DOCK2: variants seen among roughly 807,000 people sequenced by gnomAD.
DOCK2 encodes the protein dedicator of cytokinesis protein 2.
Under a neutral mutation model 248.9 loss-of-function variants are expected in DOCK2, and 87 were observed. That is an observed-to-expected ratio of 0.35 (90% CI 0.29 to 0.42). The LOEUF (loss-of-function observed/expected upper bound fraction) is 0.42, where lower values mean the gene tolerates loss of function less well. DOCK2 is among the 10% of genes least tolerant of loss of function. The pLI is 1.00. For synonymous variants in DOCK2, 805 were observed against 821.6 expected (o/e 0.98, Z 0.35); for missense variants, 1,747 against 2,300.2 (o/e 0.76, Z 4.92).
chr5:169,856,098 C>G (rs1241988686), intron 27 of DOCK2, among the ~76,000 whole-genome samples: 1 of 152,138 alleles, frequency 6.6e-6, no homozygotes, highest in Non-Finnish European at 1.5e-5. Context: ...GGAAAACTGG[C>G]CCCATGATCC....
chr5:169,731,559 A>G (rs262870), intron 22 of DOCK2, among the ~76,000 whole-genome samples: 48,672 of 151,906 alleles, frequency 0.32, 11,603 homozygotes, highest in African/African-American at 0.66. Context: ...TTTATCAGCA[A>G]CACGAAAACG....
intron 23 of DOCK2, among the ~76,000 whole-genome samples, chr5:169,749,380 A>T (rs1319397491): frequency 6.6e-6 from 1 of 152,214 alleles, no homozygotes; most frequent in Non-Finnish European, 1.5e-5. Context: ...GGGTAAAAAG[A>T]CTTATGCCAA....
chr5:169,727,508 A>G (rs1400505251), intron 22 of DOCK2, among the ~76,000 whole-genome samples: 1 of 152,178 alleles, frequency 6.6e-6, no homozygotes, highest in Non-Finnish European at 1.5e-5. Context: ...GGTGGCTTGA[A>G]GCTGAATTGT....
At chr5:169,769,218 A>C (rs538140790) in intron 25 of DOCK2, among the ~76,000 whole-genome samples, 11 of 152,320 alleles carry the variant, frequency 7.2e-5, no homozygotes, top group African/African-American at 2.6e-4. Context: ...GACTCAAAAC[A>C]GTCCCCACCC....
chr5:169,791,663 T>C (rs1283028915), intron 25 of DOCK2, among the ~76,000 whole-genome samples: 13 of 152,226 alleles, frequency 8.5e-5, no homozygotes, highest in Non-Finnish European at 1.9e-4. Flanking sequence ...AACACTGGCG[T>C]TGGAGTCAGA....
chr5:169,905,733 C>A (rs1160533685), intron 27 of DOCK2, among the ~76,000 whole-genome samples: 1 of 152,124 alleles, frequency 6.6e-6, no homozygotes, highest in Non-Finnish European at 1.5e-5. Context: ...GCGTCTGCAC[C>A]CAGGAACTGC....
intron 26 of DOCK2, among the ~76,000 whole-genome samples, chr5:169,818,822 A>C (rs184251545): frequency 6.6e-6 from 1 of 152,308 alleles, no homozygotes; most frequent in Admixed American, 6.5e-5. Context: ...TTTTCCACAT[A>C]AATATTAATA....
intron 41 of DOCK2, among the ~76,000 whole-genome samples, chr5:170,051,396 T>G (rs775045185): frequency 1.1e-4 from 16 of 152,224 alleles, no homozygotes; most frequent in Non-Finnish European, 2.1e-4. Flanking sequence ...ATGCCCAGCT[T>G]GTTCCTGCCT....
intron 27 of DOCK2, among the ~76,000 whole-genome samples, chr5:169,899,081 A>G (rs1773777476): frequency 6.6e-6 from 1 of 152,216 alleles, no homozygotes; most frequent in Non-Finnish European, 1.5e-5. Context: ...ATGGCAAGTA[A>G]AAGGGACCTT....
intron 44 of DOCK2, among the ~76,000 whole-genome samples, chr5:170,063,097 A>C (rs1454395118): frequency 6.6e-6 from 1 of 152,158 alleles, no homozygotes; most frequent in Non-Finnish European, 1.5e-5. Flanking sequence ...CTGGGAGCAG[A>C]GGGGACTGGC....
At chr5:169,718,570 C>A (rs777686457) in intron 21 of DOCK2, 87 bp from the exon 22 acceptor site, 45 of 1,478,006 alleles carry the variant, frequency 3.0e-5, no homozygotes, top group Non-Finnish European at 3.9e-5. Context: ...CCACCTTTAA[C>A]CTTTGATTGA....
intron 2 of DOCK2, among the ~76,000 whole-genome samples, chr5:169,660,920 C>G (rs192759890): frequency 2.5e-4 from 38 of 151,872 alleles, no homozygotes; most frequent in Admixed American, 2.0e-4. Flanking sequence ...GTTTCATTTG[C>G]GGCATGTCTA....
chr5:169,698,521 A>G (rs1015963835), intron 11 of DOCK2, 72 bp downstream of exon 11: 4 of 1,537,556 alleles, frequency 2.6e-6, no homozygotes, highest in Non-Finnish European at 3.6e-6. Flanking sequence ...TGGAGCTCAG[A>G]GGGTACCAGT....
At chr5:170,008,212 ACAACAACAAC>A (rs762962695) in intron 30 of DOCK2, among the ~76,000 whole-genome samples, 7 of 68,316 alleles carry the variant, frequency 1.0e-4, no homozygotes, top group Middle Eastern at 6.4e-3. Context: ...AACAACAACA[ACAACAACAAC>A]AACAAAAAAA....
chr5:169,947,992 G>A (rs748798459), intron 27 of DOCK2, among the ~76,000 whole-genome samples: 143 of 152,274 alleles, frequency 9.4e-4, no homozygotes, highest in Non-Finnish European at 9.6e-4. Context: ...GTCAGGATTT[G>A]TCATTCTTAT....
chr5:169,685,073 T>C (rs1759887345), intron 8 of DOCK2, among the ~76,000 whole-genome samples: 4 of 152,242 alleles, frequency 2.6e-5, no homozygotes, highest in African/African-American at 9.7e-5. Flanking sequence ...CTTTACTCTT[T>C]CTTAACATGG....
intron 27 of DOCK2, among the ~76,000 whole-genome samples, chr5:169,863,330 G>A (rs939208134): frequency 1.3e-5 from 2 of 152,220 alleles, no homozygotes; most frequent in Non-Finnish European, 2.9e-5. Flanking sequence ...TGGGATGAAG[G>A]GATGAGAAAC....
chr5:169,975,465 A>T (rs1176711885), intron 27 of DOCK2, among the ~76,000 whole-genome samples: 1 of 151,964 alleles, frequency 6.6e-6, no homozygotes, highest in Non-Finnish European at 1.5e-5. Flanking sequence ...TGTCTCTCTG[A>T]CCTCATCATA....
rs1227301621 is a variant in DOCK2 at position 169,696,619 on chromosome 5, G to T, written c.979+681G>T. Among the ~76,000 whole-genome samples, 12 of 152,262 alleles carry T rather than the reference G, an allele frequency of 7.9e-5. No individual in the cohort carries two copies. In the South Asian group the frequency reaches 2.1e-3, roughly 26 times the overall value. ...TAAATTCCTGTGAAAATGGCAATTT[G>T]ATATGCCAGTTTTCTTTTTATTAAA... is the stretch of plus-strand genomic sequence containing the variant. On this transcript the variant is annotated intron_variant, in intron 10 of 51. Transcript: ENST00000520908.
Sources: gnomAD v4.1 joint callset for allele counts (sites outside exome capture counted in the v4.1 genomes callset) on GRCh38, gnomAD v4.1.1 for gene constraint, MANE v1.5 for transcripts, NCBI Gene and HGNC (gene_info 2026-07-23, HGNC 2026-07-21) for gene names.